The following ATP13A1 variants were observed in gnomAD, a reference collection of about 807,000 sequenced individuals.
ATP13A1 encodes the protein endoplasmic reticulum transmembrane helix translocase.
A neutral mutation model predicts 134.8 loss-of-function variants in ATP13A1; 55 were observed. The ratio of observed to expected loss-of-function variants is 0.41; its 90% confidence interval spans 0.33 to 0.51. ATP13A1 has a LOEUF of 0.51. Among genes scored for constraint, ATP13A1 ranks in the 20% least tolerant of loss-of-function variants. The pLI, the probability that ATP13A1 is intolerant of heterozygous loss-of-function variation, is 0.29. For missense variants in ATP13A1, 1,389 were observed against 1,652.8 expected, an observed-to-expected ratio of 0.84 and a Z score of 2.77; for synonymous variants, 775 against 725.1, an observed-to-expected ratio of 1.07 and a Z score of -1.10.
chr19:19,661,111 C>CA (rs2062091933), intron 1 of ATP13A1, among the ~76,000 whole-genome samples: 1 of 151,362 alleles, frequency 6.6e-6, no homozygotes, highest in Admixed American at 6.6e-5. Flanking sequence ...AAAAAAACCC[C>CA]AAAAAACAAA....
intron 3 of ATP13A1, 31 bp downstream of exon 3, chr19:19,659,570 C>T (rs760977656): frequency 6.3e-7 from 1 of 1,592,188 alleles, no homozygotes. Context: ...GACAGAAAGG[C>T]AAAGGTGCTA....
chr19:19,655,941 G>A lies in ATP13A1; in HGVS notation c.1214-8C>T. 4 of 1,603,942 alleles carry A rather than the reference G, an allele frequency of 2.5e-6. No individual in the cohort carries two copies. The highest frequency in any genetic ancestry group is 3.4e-6 in the Non-Finnish European group (4 of 1,178,400). ...CGCACCCGCTGTCAACCGCTGGGGAGAGAAGCAGAGTCACCGTCATGCCTG... is the reference window on the plus strand; with the variant it reads ...CGCACCCGCTGTCAACCGCTGGGGAAAGAAGCAGAGTCACCGTCATGCCTG... On this transcript the variant is annotated splice_region_variant and splice_polypyrimidine_tract_variant and intron_variant, in intron 8 of 25. Coordinates refer to ENST00000357324, the MANE Select transcript of ATP13A1 (RefSeq NM_020410.3). This position sits in a 1 kb window ranked among gnomAD's most constrained non-coding sequence, Gnocchi z 5.7.
intron 3 of ATP13A1, among the ~76,000 whole-genome samples, chr19:19,657,758 T>G (rs1478305694): frequency 6.6e-6 from 1 of 152,044 alleles, no homozygotes; most frequent in Non-Finnish European, 1.5e-5. Flanking sequence ...AGAAGGAACC[T>G]CTGATTGAAA....
Position 19,663,429 on chromosome 19 carries a change from C to A in ATP13A1, c.238G>T (p.Gly80Cys). Reference protein sequence around the residue: ...FAGLLYPAWLGAAAAGCWGWG... With the variant: ...FAGLLYPAWLCAAAAGCWGWG... ...CCCCAGCAGCCAGCGGCTGCGGCAC[C>A]CAACCAGGCCGGGTAAAGCAGCCCG... Residue 80 changes from glycine (G) to cysteine (C), a missense_variant, in exon 1 of 26, where the codon GGT (glycine) becomes TGT (cysteine). This residue lies in a region of ATP13A1 where 293 missense variants were observed against 270.8 expected (regional missense o/e 1.08). Coordinates refer to ENST00000357324, the MANE Select transcript of ATP13A1 (RefSeq NM_020410.3). 2 of 1,570,278 alleles carry A rather than the reference C, an allele frequency of 1.3e-6. No homozygotes were observed. Among genetic ancestry groups the A allele is most frequent in the South Asian group, 2.3e-5 (2 of 86,234 alleles).
chr19:19,655,214 C>T lies in ATP13A1; in HGVS notation c.1560G>A (p.Arg520=), dbSNP rs2062049544. 1.2e-6 allele frequency: 2 copies of T among 1,614,008 alleles called. No individual in the cohort carries two copies. Among genetic ancestry groups the T allele is most frequent in the Non-Finnish European group, 1.7e-6 (2 of 1,179,906 alleles). Residue 520 remains arginine (R), a synonymous_variant, in exon 12 of 26, where the codon CGG becomes CGA. Coordinates refer to ENST00000357324, the MANE Select transcript of ATP13A1 (RefSeq NM_020410.3). The surrounding 1 kb of genome is among the most constrained non-coding windows in gnomAD (Gnocchi z 5.7). ...KLYMYCTEPF[R]IPFAGKVEVC... is the part of the protein sequence containing the mutation. ...CCTCGACCTTGCCAGCAAAGGGGATCCGGAAGGGCTCTGTGCAGTACATGT... is the reference window on the plus strand; with the variant it reads ...CCTCGACCTTGCCAGCAAAGGGGATTCGGAAGGGCTCTGTGCAGTACATGT...
rs1156635760 is a variant in ATP13A1 at position 19,645,336 on chromosome 19, T to C, written c.*86A>G. 4 of 1,393,516 alleles carry C rather than the reference T, an allele frequency of 2.9e-6. No homozygotes were observed. The highest frequency in any genetic ancestry group is 1.3e-5 in the South Asian group (1 of 77,956). 86.3% of individuals were successfully genotyped at this position (1,393,516 alleles called of 1,614,324 possible). On this transcript the variant is annotated 3_prime_UTR_variant, in exon 26 of 26. Transcript: ENST00000357324. The surrounding 1 kb of genome is among the most constrained non-coding windows in gnomAD (Gnocchi z 4.1). ...GACTGTACAGCCTTGCTGTGGGGGG[T>C]TGGGGGCAGGGTTCCCTCCCGGGGC...
Position 19,663,618 on chromosome 19 carries a change from G to T in ATP13A1, c.49C>A (p.Pro17Thr). 7.3e-7 allele frequency: 1 copy of T among 1,373,570 alleles called. No individual in the cohort carries two copies. The highest frequency in any genetic ancestry group is 9.3e-7 in the Non-Finnish European group (1 of 1,071,168). The allele number at this position is 1,373,570 out of a possible 1,614,324, so 85.1% of individuals were successfully genotyped here. ...TGCCCGTCAGGCCGGACCCCGCAAG[G>T]CCGGGCCCCGCAGGGCACCGCGTTG... ...VGNAVPCGAR[P>T]CGVRPDGQPK... Residue 17 changes from proline to threonine, a missense_variant, in exon 1 of 26, where the codon CCT (proline) becomes ACT (threonine). By Grantham distance (38) the Pro-to-Thr change is conservative. Transcript: ENST00000357324.
rs1185874935 is a variant in ATP13A1 at position 19,661,125 on chromosome 19, A to G, written c.397-1138T>C. Reference sequence around the variant, plus strand: ...CAAAAAAACCCCAAAAAACAAAACAAAAACAAAAACAACAACAAAAAAAGC... The same window carrying G: ...CAAAAAAACCCCAAAAAACAAAACAGAAACAAAAACAACAACAAAAAAAGC... On this transcript the variant is annotated intron_variant, in intron 1 of 25. Coordinates refer to ENST00000357324, the MANE Select transcript of ATP13A1 (RefSeq NM_020410.3). Among the ~76,000 whole-genome samples, 10 of 152,254 alleles carry G rather than the reference A, an allele frequency of 6.6e-5. No homozygotes were observed. In the South Asian group the frequency reaches 1.9e-3, roughly 28 times the overall value.
rs1040406079 is a variant in ATP13A1, at chr19:19,656,345, T to G, written c.1084-162A>C. ...CCAGATCCTCACCCTCACCCCGTCC[T>G]GTCTTCTCCCCATTGCACTCACAGT... On this transcript the variant is annotated intron_variant, in intron 7 of 25. Transcript: ENST00000357324. This position sits in a 1 kb window ranked among gnomAD's most constrained non-coding sequence, Gnocchi z 4.6. Among the ~76,000 whole-genome samples the G allele has an allele frequency of 2.6e-5, 4 of 152,110 alleles. No homozygotes were observed. The highest frequency in any genetic ancestry group is 4.8e-5 in the African/African-American group (2 of 41,422).
At position 19,649,944 on chromosome 19, in the gene ATP13A1, C is replaced by A; in HGVS notation, c.2336-4G>T. 1 of 1,583,486 alleles carries A rather than the reference C, an allele frequency of 6.3e-7. No individual in the cohort carries two copies. Among genetic ancestry groups the A allele is most frequent in the South Asian group, 1.1e-5 (1 of 89,242 alleles). ...GAGCGCCACTCGCACTGCCGGCCTG[C>A]GGGCAGCACCTAGGGTTAGGGCTGG... On this transcript the variant is annotated splice_region_variant and splice_polypyrimidine_tract_variant and intron_variant, in intron 17 of 25. Coordinates refer to ENST00000357324, the MANE Select transcript of ATP13A1 (RefSeq NM_020410.3).
intron 16 of ATP13A1, among the ~76,000 whole-genome samples, chr19:19,652,338 A>C (rs2062030058): frequency 6.6e-6 from 1 of 152,100 alleles, no homozygotes; most frequent in Admixed American, 6.5e-5. Context: ...TGGAACGGGG[A>C]AGTGGAGAGA....
Position 19,655,741 on chromosome 19 carries a change from C to A in ATP13A1, c.1270-87G>T, listed in dbSNP as rs1415088653. ...AAGCGTGGGCCTGGTCTTGGGGTGG[C>A]CTCTGCACCCTGGCCCAGGTCCAGG... On this transcript the variant is annotated intron_variant, in intron 9 of 25. Coordinates refer to ENST00000357324, the MANE Select transcript of ATP13A1 (RefSeq NM_020410.3). This position sits in a 1 kb window ranked among gnomAD's most constrained non-coding sequence, Gnocchi z 5.7. 5 of 1,544,708 alleles carry A rather than the reference C, an allele frequency of 3.2e-6. No homozygotes were observed. In the Admixed American group the frequency reaches 5.8e-5, roughly 18 times the overall value.
Position 19,655,112 on chromosome 19 carries a change from T to A in ATP13A1, c.1655+7A>T. On this transcript the variant is annotated splice_region_variant and intron_variant, in intron 12 of 25. Coordinates refer to ENST00000357324, the MANE Select transcript of ATP13A1 (RefSeq NM_020410.3). This position sits in a 1 kb window ranked among gnomAD's most constrained non-coding sequence, Gnocchi z 5.7. ...GTGACCTTTGCTGCAGGGCCCCTGATGCTTACCTCAGCCCGGCCACACCGC... is the reference window on the plus strand; with the variant it reads ...GTGACCTTTGCTGCAGGGCCCCTGAAGCTTACCTCAGCCCGGCCACACCGC... 1 of 1,613,670 alleles carries A rather than the reference T, an allele frequency of 6.2e-7. No homozygotes were observed. Among genetic ancestry groups the A allele is most frequent in the Non-Finnish European group, 8.5e-7 (1 of 1,179,814 alleles).
In ATP13A1 at chr19:19,657,417, G is replaced by A. The variant is rs764094028; in HGVS notation, c.678-9C>T. 3.2e-6 allele frequency: 5 copies of A among 1,561,686 alleles called. No homozygotes were observed. The highest frequency in any genetic ancestry group is 4.8e-5 in the East Asian group (2 of 41,690). On this transcript the variant is annotated splice_polypyrimidine_tract_variant and intron_variant, in intron 3 of 25. Transcript: ENST00000357324. ...GCACCACCATCTCGGCCCTGCAAGAGACCAGGCCCCATCCTGTTCCCAGGG... is the reference window on the plus strand; with the variant it reads ...GCACCACCATCTCGGCCCTGCAAGAAACCAGGCCCCATCCTGTTCCCAGGG...
chr19:19,653,578 C>T lies in ATP13A1; in HGVS notation c.2100+206G>A, dbSNP rs1599432168. The T allele has an allele frequency of 8.3e-6, 5 of 600,620 alleles. No homozygotes were observed. In the Admixed American group the frequency reaches 9.3e-5, roughly 11 times the overall value. The allele number at this position is 600,620 out of a possible 1,614,324, so 37.2% of individuals were successfully genotyped here. On this transcript the variant is annotated intron_variant, in intron 15 of 25. Coordinates refer to ENST00000357324, the MANE Select transcript of ATP13A1 (RefSeq NM_020410.3). The surrounding 1 kb of genome is among the most constrained non-coding windows in gnomAD (Gnocchi z 4.2). ...CTGGGGCAGGTAAGCCCTGCGTGTGCTCTGCGTGAGCCAGGACTGGGTGGG... is the reference window on the plus strand; with the variant it reads ...CTGGGGCAGGTAAGCCCTGCGTGTGTTCTGCGTGAGCCAGGACTGGGTGGG...
At position 19,648,680 on chromosome 19, in the gene ATP13A1, GCGCCTGTAATC is replaced by G. The variant is rs539075733; in HGVS notation, c.2632+876_2632+886del. On this transcript the variant is annotated intron_variant, in intron 19 of 25. Transcript: ENST00000357324. The stretch of plus-strand genomic sequence containing the variant: ...AAAAATTAGATGGGCATGGTGGCTG[GCGCCTGTAATC>G]CTAGCTACTTGGGAGGCTGAAGAAG... Among the ~76,000 whole-genome samples, 285 of 150,786 alleles carry G rather than the reference GCGCCTGTAATC, an allele frequency of 1.9e-3. 1 individual carries two copies. Among genetic ancestry groups the G allele is most frequent in the Non-Finnish European group, 2.9e-3 (196 of 67,770 alleles).
chr19:19,647,749 G>C lies in ATP13A1; in HGVS notation c.2643C>G (p.Leu881=). ...ALKHADVGVA[L]LANAPERVVE... ...CAACCCGCTCAGGGGCATTGGCCAAGAGCGCCACACCTGGGGGGCAGGAGG... is the reference window on the plus strand; with the variant it reads ...CAACCCGCTCAGGGGCATTGGCCAACAGCGCCACACCTGGGGGGCAGGAGG... The change falls in exon 20 of 26, where the codon CTC becomes CTG. Residue 881 remains leucine (L), a synonymous_variant. Transcript: ENST00000357324. The surrounding 1 kb of genome is among the most constrained non-coding windows in gnomAD (Gnocchi z 4.8). The C allele has an allele frequency of 6.3e-7, 1 of 1,598,722 alleles. No individual in the cohort carries two copies. The highest frequency in any genetic ancestry group is 8.5e-7 in the Non-Finnish European group (1 of 1,176,676).
rs778749001 is a variant in ATP13A1 at position 19,647,626 on chromosome 19, G to A, written c.2766C>T (p.Pro922=). ...TCTGGGAGGTTGGCTGCTCCTCGGA[G>A]GGAGGGAGCCCCGACCGCTGCTTGG... The part of the protein sequence containing the change: ...RTAKQRSGLP[P]SEEQPTSQRD... The change falls in exon 20 of 26, where the codon CCC becomes CCT. Residue 922 remains proline (P), a synonymous_variant. Transcript: ENST00000357324. The surrounding 1 kb of genome is among the most constrained non-coding windows in gnomAD (Gnocchi z 4.8). 11 of 1,613,454 alleles carry A rather than the reference G, an allele frequency of 6.8e-6. No homozygotes were observed. The highest frequency in any genetic ancestry group is 2.2e-5 in the East Asian group (1 of 44,872).
chr19:19,654,105 A>C lies in ATP13A1; in HGVS notation c.1853T>G (p.Leu618Arg). ...AAAATGAAAGCGCTGGTGAATTTTC[A>C]GCCCCTGAGTTTTAATACTTCGGGG... ...VFPRSIKTQG[L>R]KIHQRFHFAS... Residue 618 changes from leucine (L) to arginine (R), a missense_variant, in exon 14 of 26, where the codon CTG becomes CGG. This residue lies in a region of ATP13A1 where 747 missense variants were observed against 956.1 expected (regional missense o/e 0.78). Coordinates refer to ENST00000357324, the MANE Select transcript of ATP13A1 (RefSeq NM_020410.3). 6.3e-7 allele frequency: 1 copy of C among 1,592,966 alleles called. No homozygotes were observed. Among genetic ancestry groups the C allele is most frequent in the Non-Finnish European group, 8.5e-7 (1 of 1,169,826 alleles).
Sources: gnomAD v4.1 joint callset for allele counts (sites outside exome capture counted in the v4.1 genomes callset) on GRCh38, gnomAD v4.1.1 for gene constraint, gnomAD v4.1.1 regional missense constraint, Gnocchi (gnomAD v3.1) non-coding constraint, MANE v1.5 for transcripts, NCBI Gene and HGNC (gene_info 2026-07-23, HGNC 2026-07-21) for gene names.